MYO1D: variants seen among roughly 807,000 people sequenced by gnomAD.
MYO1D encodes the protein myosin ID, also known as unconventional myosin-Id.
Under a neutral mutation model 122.0 loss-of-function variants are expected in MYO1D, and 83 were observed. The ratio of observed to expected loss-of-function variants is 0.68; its 90% CI spans 0.57 to 0.82. The LOEUF is 0.82. Among genes scored for constraint, MYO1D ranks in the 40% least tolerant of loss-of-function variants. MYO1D has a pLI of 0.00. For missense variants in MYO1D, 1,157 were observed against 1,269.5 expected, an observed-to-expected ratio of 0.91 and a Z score of 1.35; for synonymous variants, 464 against 446.9, an observed-to-expected ratio of 1.04 and a Z score of -0.48.
intron 21 of MYO1D, among the ~76,000 whole-genome samples, chr17:32,503,765 C>T (rs902955016): frequency 6.6e-6 from 1 of 152,244 alleles, no homozygotes; most frequent in African/African-American, 2.4e-5. Flanking sequence ...CTGGCTCACA[C>T]TGAGGACAAC....
At chr17:32,553,240 T>C (rs920341024) in intron 21 of MYO1D, among the ~76,000 whole-genome samples, 3 of 152,170 alleles carry the variant, frequency 2.0e-5, no homozygotes, top group African/African-American at 7.2e-5. Context: ...AGTAGAAAAC[T>C]ACTACACAAG....
intron 19 of MYO1D, among the ~76,000 whole-genome samples, chr17:32,648,055 AAT>A (rs1346916539): frequency 6.6e-6 from 1 of 152,126 alleles, no homozygotes; most frequent in African/African-American, 2.4e-5. Flanking sequence ...CTATACTAAA[AAT>A]ATAAAAATTA....
At chr17:32,719,613 G>A (rs995908880) in intron 15 of MYO1D, among the ~76,000 whole-genome samples, 10 of 152,094 alleles carry the variant, frequency 6.6e-5, no homozygotes, top group African/African-American at 2.4e-4. Flanking sequence ...GCCTCCCAAA[G>A]TGCTGGGATT....
At chr17:32,564,180 C>T (rs1597900297) in intron 21 of MYO1D, among the ~76,000 whole-genome samples, 2 of 152,232 alleles carry the variant, frequency 1.3e-5, no homozygotes, top group African/African-American at 4.8e-5. Flanking sequence ...GGGCAGTAAG[C>T]AGAGCCCAGG....
In MYO1D at chr17:32,559,762, C is replaced by T. The variant is rs572334201; in HGVS notation, c.2864+45325G>A. On this transcript the variant is annotated intron_variant, in intron 21 of 21. Transcript: ENST00000318217. ...ACATTTCATCATTTCCATCCTAATA[C>T]GTTTTACTATCTTTAACTTCTCTTT... 1.5e-3 allele frequency among the ~76,000 whole-genome samples: 228 copies of T among 152,266 alleles called. 2 individuals carry two copies. The Middle Eastern group carries it at 0.017, about 11-fold the overall frequency.
intron 21 of MYO1D, among the ~76,000 whole-genome samples, chr17:32,576,583 T>C (rs1354336688): frequency 6.6e-6 from 1 of 152,230 alleles, no homozygotes; most frequent in African/African-American, 2.4e-5. Flanking sequence ...TGTGGTAACA[T>C]TCATATTTTG....
intron 1 of MYO1D, among the ~76,000 whole-genome samples, chr17:32,818,558 A>T (rs12103892): frequency 0.036 from 5,460 of 152,292 alleles, 320 homozygotes; most frequent in African/African-American, 0.12. Flanking sequence ...TGAGAGAGAG[A>T]CCAATGGGGG....
At chr17:32,676,654 G>A (rs1487593239) in intron 16 of MYO1D, among the ~76,000 whole-genome samples, 2 of 152,012 alleles carry the variant, frequency 1.3e-5, no homozygotes, top group African/African-American at 4.8e-5. Context: ...ACAACCACAA[G>A]GGGGAGCCAG....
At chr17:32,844,022 TATACACATAC>T (rs1444779563) in intron 1 of MYO1D, among the ~76,000 whole-genome samples, 2 of 151,188 alleles carry the variant, frequency 1.3e-5, no homozygotes, top group Non-Finnish European at 1.5e-5. Flanking sequence ...CACACATATA[TATACACATAC>T]ATACACACAC....
In MYO1D at chr17:32,712,239, G is replaced by A. The variant is rs778806671; in HGVS notation, c.1914-44C>T. On this transcript the variant is annotated intron_variant, in intron 15 of 21. Transcript: ENST00000318217. Reference sequence around the variant, plus strand: ...CAGGGTTAAGGGAGAAAACCATATGGTCATCTCAATAGAAAACTATTCAAT... The same window carrying A: ...CAGGGTTAAGGGAGAAAACCATATGATCATCTCAATAGAAAACTATTCAAT... The A allele has an allele frequency of 7.9e-6, 12 of 1,513,960 alleles. No homozygotes were observed. The Admixed American group carries it at 1.5e-4, about 19-fold the overall frequency. The allele number at this position is 1,513,960 out of a possible 1,614,324, so 93.8% of individuals were successfully genotyped here. A position where few individuals can be genotyped will look rare whatever the true frequency, so the allele number is the denominator to read the frequency against.
intron 14 of MYO1D, among the ~76,000 whole-genome samples, chr17:32,730,813 G>C (rs2089628891): frequency 6.6e-6 from 1 of 151,456 alleles, no homozygotes; most frequent in Admixed American, 6.6e-5. Flanking sequence ...AAATTCTCAG[G>C]AATATTTCTT....
intron 21 of MYO1D, among the ~76,000 whole-genome samples, chr17:32,561,010 C>T (rs2087120502): frequency 6.7e-6 from 1 of 150,144 alleles, no homozygotes; most frequent in African/African-American, 2.5e-5. Flanking sequence ...CTCCTGGGTT[C>T]AAGTGATTCT....
At chr17:32,845,306 C>A (rs1317662297) in intron 1 of MYO1D, among the ~76,000 whole-genome samples, 1 of 152,128 alleles carries the variant, frequency 6.6e-6, no homozygotes, top group Non-Finnish European at 1.5e-5. Context: ...CCTATTCACT[C>A]AATAGCCTCT....
chr17:32,760,148 G>T, intron 10 of MYO1D, 142 bp downstream of exon 10: 1 of 810,352 alleles, frequency 1.2e-6, no homozygotes, highest in Non-Finnish European at 2.2e-6. Flanking sequence ...GAAATTAATT[G>T]TATTTACATA....
At chr17:32,687,103 G>A (rs1237767670) in intron 16 of MYO1D, among the ~76,000 whole-genome samples, 4 of 151,770 alleles carry the variant, frequency 2.6e-5, no homozygotes, top group Admixed American at 1.3e-4. Context: ...ATACTATGAG[G>A]TGGGTACTAT....
chr17:32,857,534 G>A (rs545482810), intron 1 of MYO1D, among the ~76,000 whole-genome samples: 5 of 148,072 alleles, frequency 3.4e-5, no homozygotes, highest in South Asian at 2.1e-4. Flanking sequence ...GCAGTGAGCC[G>A]AGATCGCACC....
chr17:32,645,432 G>T (rs2088274416), intron 19 of MYO1D, among the ~76,000 whole-genome samples: 1 of 152,116 alleles, frequency 6.6e-6, no homozygotes, highest in Non-Finnish European at 1.5e-5. Flanking sequence ...TGTATTTCCT[G>T]AATTTGAATG....
intron 21 of MYO1D, among the ~76,000 whole-genome samples, chr17:32,520,235 G>C (rs1381908730): frequency 6.6e-6 from 1 of 152,184 alleles, no homozygotes; most frequent in Non-Finnish European, 1.5e-5. Context: ...CCCTGTAACT[G>C]CTGAGCCCCG....
At position 32,728,042 on chromosome 17, in the gene MYO1D, C is replaced by G. The variant is rs981102642; in HGVS notation, c.1747-6853G>C. Among the ~76,000 whole-genome samples, 3 of 151,998 alleles carry G rather than the reference C, an allele frequency of 2.0e-5. No individual in the cohort carries two copies. The East Asian group carries it at 5.8e-4, about 29-fold the overall frequency. Reference sequence around the variant, plus strand: ...CTAACAAATTCTCTAAATATTTACACAAAAAATCAAAGGTACAATAAGGAC... The same window carrying G: ...CTAACAAATTCTCTAAATATTTACAGAAAAAATCAAAGGTACAATAAGGAC... On this transcript the variant is annotated intron_variant, in intron 14 of 21. Coordinates refer to ENST00000318217, the MANE Select transcript of MYO1D (RefSeq NM_015194.3).
Sources: gnomAD v4.1 joint callset for allele counts (sites outside exome capture counted in the v4.1 genomes callset) on GRCh38, gnomAD v4.1.1 for gene constraint, MANE v1.5 for transcripts, NCBI Gene and HGNC (gene_info 2026-07-23, HGNC 2026-07-21) for gene names.